The following GFOD1 variants were observed in gnomAD, a reference collection of about 807,000 sequenced individuals.
GFOD1 encodes the protein Gfo/Idh/MocA-like oxidoreductase domain containing 1.
Under a neutral mutation model 25.4 loss-of-function variants are expected in GFOD1, and 9 were observed. The ratio of observed to expected loss-of-function variants is 0.35; its 90% CI spans 0.21 to 0.62. The LOEUF is 0.62. GFOD1 is among the 20% of genes least tolerant of loss of function. GFOD1 has a pLI of 0.72. For synonymous variants in GFOD1, 253 were observed against 245.6 expected (o/e 1.03, Z -0.28); for missense variants, 403 against 556.9 (o/e 0.72, Z 2.78).
chr6:13,446,531 G>C (rs868820940), intron 1 of GFOD1, among the ~76,000 whole-genome samples: 3 of 152,194 alleles, frequency 2.0e-5, no homozygotes, highest in South Asian at 4.1e-4. Flanking sequence ...AGCCGGGAGA[G>C]TCTGAGCAAC....
intron 1 of GFOD1, among the ~76,000 whole-genome samples, chr6:13,411,761 T>C (rs1786082851): frequency 1.3e-5 from 2 of 152,202 alleles, no homozygotes; most frequent in South Asian, 2.1e-4. Context: ...ACCTTAACTT[T>C]TCCTTCTCTT....
In GFOD1 at chr6:13,360,851, C is replaced by T; in HGVS notation, c.*3892G>A. ...TGATAAGGAGCGGTTTCCTGCCTGGCAAGAACAGGAGGTGCCCACATCTCT... is the reference window on the plus strand; with the variant it reads ...TGATAAGGAGCGGTTTCCTGCCTGGTAAGAACAGGAGGTGCCCACATCTCT... On this transcript the variant is annotated 3_prime_UTR_variant, in exon 2 of 2. Coordinates refer to ENST00000379287, the MANE Select transcript of GFOD1 (RefSeq NM_018988.4). 1 of 456,690 alleles carries T rather than the reference C, an allele frequency of 2.2e-6. No homozygotes were observed. The highest frequency in any genetic ancestry group is 4.4e-6 in the Non-Finnish European group (1 of 226,972). The allele number at this position is 456,690 out of a possible 1,614,324, so 28.3% of individuals were successfully genotyped here.
intron 1 of GFOD1, among the ~76,000 whole-genome samples, chr6:13,390,100 C>T (rs1354679888): frequency 6.6e-6 from 1 of 152,172 alleles, no homozygotes; most frequent in African/African-American, 2.4e-5. Context: ...GACCCCAAGC[C>T]TTGTGTATCT....
At chr6:13,419,087 G>A (rs554245352) in intron 1 of GFOD1, among the ~76,000 whole-genome samples, 16 of 152,286 alleles carry the variant, frequency 1.1e-4, no homozygotes, top group African/African-American at 3.6e-4. Context: ...TGGCATGGAG[G>A]AGAAGAAGCA....
chr6:13,484,336 G>C (rs1424275926), intron 1 of GFOD1, among the ~76,000 whole-genome samples: 1 of 152,076 alleles, frequency 6.6e-6, no homozygotes, highest in Non-Finnish European at 1.5e-5. Flanking sequence ...GCAAACACTC[G>C]TATCTATACA....
intron 1 of GFOD1, among the ~76,000 whole-genome samples, chr6:13,382,735 T>C (rs1785391989): frequency 6.6e-6 from 1 of 152,198 alleles, no homozygotes; most frequent in Non-Finnish European, 1.5e-5. Context: ...ATGTGTGTCA[T>C]GGTGGTTTGC....
chr6:13,365,720 C>T lies in GFOD1; in HGVS notation c.254-58G>A, dbSNP rs1785032235. ...GCAGGACCATGTCCGAGCGCGCGTCCCTGGGTCAGATCTTAAAATATTTCA... is the reference window on the plus strand; with the variant it reads ...GCAGGACCATGTCCGAGCGCGCGTCTCTGGGTCAGATCTTAAAATATTTCA... On this transcript the variant is annotated intron_variant, in intron 1 of 1. Coordinates refer to ENST00000379287, the MANE Select transcript of GFOD1 (RefSeq NM_018988.4). The surrounding 1 kb of genome is among the most constrained non-coding windows in gnomAD (Gnocchi z 9.2). 1.7e-6 allele frequency: 2 copies of T among 1,196,096 alleles called. No homozygotes were observed. Among genetic ancestry groups the T allele is most frequent in the South Asian group, 1.3e-5 (1 of 76,386 alleles). 74.1% of individuals were successfully genotyped at this position (1,196,096 alleles called of 1,614,324 possible). A position where few individuals can be genotyped will look rare whatever the true frequency, so the allele number is the denominator to read the frequency against.
intron 1 of GFOD1, among the ~76,000 whole-genome samples, chr6:13,387,992 A>T (rs965355397): frequency 6.6e-6 from 1 of 152,246 alleles, no homozygotes; most frequent in Non-Finnish European, 1.5e-5. Context: ...GAGCTAAATC[A>T]TGGGGGAACT....
At chr6:13,375,651 A>G (rs899699355) in intron 1 of GFOD1, among the ~76,000 whole-genome samples, 1 of 152,168 alleles carries the variant, frequency 6.6e-6, no homozygotes, top group Admixed American at 6.5e-5. Flanking sequence ...GAACTGAATT[A>G]ATTGCTCAAG....
intron 1 of GFOD1, among the ~76,000 whole-genome samples, chr6:13,403,221 G>A (rs1785883378): frequency 6.6e-6 from 1 of 151,984 alleles, no homozygotes; most frequent in Non-Finnish European, 1.5e-5. Context: ...TACCTCCTGG[G>A]TTCAAGTGAT....
chr6:13,465,304 C>T (rs1277911334), intron 1 of GFOD1, among the ~76,000 whole-genome samples: 1 of 152,108 alleles, frequency 6.6e-6, no homozygotes, highest in Non-Finnish European at 1.5e-5. Flanking sequence ...CTATCCTGGG[C>T]CACATGCATC....
At chr6:13,470,002 C>T in intron 1 of GFOD1, 1 of 1,333,344 alleles carries the variant, frequency 7.5e-7, no homozygotes, top group Non-Finnish European at 1.0e-6. Context: ...ATCTTATATG[C>T]CTTTGACCTT....
intron 1 of GFOD1, among the ~76,000 whole-genome samples, chr6:13,407,601 T>G (rs760125528): frequency 2.6e-5 from 4 of 152,202 alleles, no homozygotes; most frequent in Non-Finnish European, 5.9e-5. Flanking sequence ...CCTGTTACAA[T>G]GGCCGAGAAA....
chr6:13,437,880 A>G (rs76083130), intron 1 of GFOD1, among the ~76,000 whole-genome samples: 9,236 of 152,252 alleles, frequency 0.061, 387 homozygotes, highest in African/African-American at 0.11. Flanking sequence ...TATTTCAGCT[A>G]TGCTGTGCTG....
chr6:13,394,466 ATTT>A (rs70989855), intron 1 of GFOD1, among the ~76,000 whole-genome samples: 2 of 75,916 alleles, frequency 2.6e-5, no homozygotes, highest in African/African-American at 5.5e-5. Flanking sequence ...TACCCTTTGA[ATTT>A]TTTTTTTTTT....
chr6:13,478,448 T>C (rs761501761), intron 1 of GFOD1, among the ~76,000 whole-genome samples: 3 of 152,246 alleles, frequency 2.0e-5, no homozygotes, highest in African/African-American at 7.2e-5. Flanking sequence ...GAAATGTCCA[T>C]ATTTGTAATA....
chr6:13,427,311 C>T (rs1562215849), intron 1 of GFOD1, among the ~76,000 whole-genome samples: 2 of 152,168 alleles, frequency 1.3e-5, no homozygotes, highest in Non-Finnish European at 2.9e-5. Context: ...CAGCTGGGCT[C>T]AAGTGAGGTA....
At chr6:13,482,738 G>A (rs191531963) in intron 1 of GFOD1, among the ~76,000 whole-genome samples, 34 of 151,946 alleles carry the variant, frequency 2.2e-4, no homozygotes, top group African/African-American at 8.2e-4. Flanking sequence ...ACAGAGCGAG[G>A]CTCCGTCTCA....
chr6:13,428,820 A>T (rs1384131441), intron 1 of GFOD1, among the ~76,000 whole-genome samples: 2 of 152,190 alleles, frequency 1.3e-5, no homozygotes, highest in Non-Finnish European at 2.9e-5. Flanking sequence ...TTGGCCCTCC[A>T]TCAGAAGCGG....
Sources: allele counts gnomAD v4.1 joint callset (sites outside exome capture counted in the v4.1 genomes callset), GRCh38; gene constraint gnomAD v4.1.1; non-coding constraint Gnocchi (gnomAD v3.1); transcripts MANE v1.5; gene names NCBI Gene and HGNC (gene_info 2026-07-23, HGNC 2026-07-21).